The following ADGRG4 variants were observed in gnomAD, a reference collection of about 807,000 sequenced individuals.
ADGRG4 encodes G protein-coupled receptor 112.
A neutral mutation model predicts 126.2 loss-of-function variants in ADGRG4; 122 were observed. That is an observed-to-expected ratio of 0.97 (90% CI 0.83 to 1.12). ADGRG4 has a LOEUF of 1.12. Ranked by LOEUF, ADGRG4 falls within the 50% of genes most tolerant of loss-of-function variation. The pLI is 0.00. For missense variants in ADGRG4, 2,481 were observed against 2,251.8 expected (o/e 1.10, Z -2.06); for synonymous variants, 943 against 838.7 (o/e 1.12, Z -2.15).
Position 136,356,129 on chromosome X carries a change from C to T in ADGRG4, c.6891C>T (p.Asp2297=). The stretch of plus-strand genomic sequence containing the variant: ...TTTTGTAATGCTTTTGATACAGGGA[C>T]ATTTCAGAGGAAGAGATGGTCATGG... ...ATLETQIKSR[D]ISEEEMVMDR... is the part of the protein sequence containing the mutation. Residue 2297 remains aspartate, a synonymous_variant, in exon 9 of 26, where the codon GAC becomes GAT. Coordinates refer to ENST00000394143, the MANE Select transcript of ADGRG4 (RefSeq NM_153834.4). 1 of 1,179,557 alleles carries T rather than the reference C, an allele frequency of 8.5e-7. No individual in the cohort carries two copies. The highest frequency in any genetic ancestry group is 1.1e-6 in the Non-Finnish European group (1 of 869,893).
chrX:136,336,169 T>C (rs2148459526), intron 5 of ADGRG4, among the ~76,000 whole-genome samples: 1 of 112,071 alleles, frequency 8.9e-6, no homozygotes, highest in Non-Finnish European at 1.9e-5. Flanking sequence ...AACTTTTCTA[T>C]GGTCTTTCTG....
chrX:136,352,541 A>T (rs771836272), intron 7 of ADGRG4, among the ~76,000 whole-genome samples: 42 of 111,551 alleles, frequency 3.8e-4, no homozygotes, highest in Non-Finnish European at 5.7e-4. Flanking sequence ...CAATGCTGAA[A>T]ACAATTCCCT....
chrX:136,345,300 T>G lies in ADGRG4; in HGVS notation c.1594T>G (p.Phe532Val). 1 of 1,210,396 alleles carries G rather than the reference T, an allele frequency of 8.3e-7. No homozygotes were observed. Among genetic ancestry groups the G allele is most frequent in the Non-Finnish European group, 1.1e-6 (1 of 894,639 alleles). Residue 532 changes from phenylalanine (F) to valine (V), a missense_variant, in exon 6 of 26, where the codon TTT becomes GTT. Coordinates refer to ENST00000394143, the MANE Select transcript of ADGRG4 (RefSeq NM_153834.4). Reference sequence around the variant, plus strand: ...TGAAACAGAATTGACATCTACAAATTTTCAGGATGTCTCTTTACCCAGAGT... The same window carrying G: ...TGAAACAGAATTGACATCTACAAATGTTCAGGATGTCTCTTTACCCAGAGT... ...TAETELTSTN[F>V]QDVSLPRVED... is the part of the protein sequence containing the mutation.
At chrX:136,313,755 G>T (rs1434650101) in intron 4 of ADGRG4, among the ~76,000 whole-genome samples, 1 of 111,636 alleles carries the variant, frequency 9.0e-6, no homozygotes, top group Non-Finnish European at 1.9e-5. Flanking sequence ...TCCCCATGTT[G>T]TTCACCGCCC....
chrX:136,381,217 G>A (rs1271625069), intron 15 of ADGRG4, among the ~76,000 whole-genome samples: 2 of 110,878 alleles, frequency 1.8e-5, no homozygotes, highest in Non-Finnish European at 3.8e-5. Context: ...GGAGTGTATT[G>A]TTTAAATTAC....
rs200792466 is a variant in ADGRG4, at chrX:136,380,604, C to T, written c.7777-7136C>T. Among the ~76,000 whole-genome samples, 536 of 55,286 alleles carry T rather than the reference C, an allele frequency of 9.7e-3. 4 individuals carry two copies. The highest frequency in any genetic ancestry group is 0.012 in the Admixed American group (62 of 5,295). The allele number at this position is 55,286 out of a possible 115,157, so 48.0% of individuals were successfully genotyped here. On this transcript the variant is annotated intron_variant, in intron 15 of 25. Coordinates refer to ENST00000394143, the MANE Select transcript of ADGRG4 (RefSeq NM_153834.4). ...CCTCCTCCTCCTCCTCCTCCTCCTC[C>T]TCTTCTTCTTCTTCTTCTTCTTCTT... is the stretch of plus-strand genomic sequence containing the variant.
intron 21 of ADGRG4, among the ~76,000 whole-genome samples, chrX:136,401,221 G>A (rs192108259): frequency 1.9e-4 from 21 of 111,670 alleles, no homozygotes; most frequent in Admixed American, 1.8e-3. Flanking sequence ...AAAAGCAGTC[G>A]ATACACTCCC....
Position 136,348,341 on chromosome X carries a change from A to AGG in ADGRG4, c.4636_4637dup (p.Cys1547ValfsTer3), listed in dbSNP as rs1392279611. ...CTAAATCTTCTAAAACAATGCATCC[A>AGG]GGTTGTTTGAAAAGTCCCTGTACAG... On this transcript the variant is annotated frameshift_variant, in exon 6 of 26. Transcript: ENST00000394143. LOFTEE classifies it high-confidence loss of function. The AGG allele has an allele frequency of 8.3e-7, 1 of 1,209,750 alleles. No homozygotes were observed. The highest frequency in any genetic ancestry group is 2.2e-5 in the Admixed American group (1 of 45,953).
rs1340484031 is a variant in ADGRG4, at chrX:136,348,728, C to G, written c.5022C>G (p.Thr1674=). The part of the protein sequence containing the change: ...MAGIVTPFVG[T]TAFSPLSSKS... ...GGATAGTGACTCCATTTGTAGGCACCACTGCCTTCTCTCCACTCAGTTCTA... is the reference window on the plus strand; with the variant it reads ...GGATAGTGACTCCATTTGTAGGCACGACTGCCTTCTCTCCACTCAGTTCTA... Residue 1674 remains threonine, a synonymous_variant, in exon 6 of 26, where the codon ACC becomes ACG. Transcript: ENST00000394143. The G allele has an allele frequency of 4.1e-6, 5 of 1,210,133 alleles. No individual in the cohort carries two copies. Among genetic ancestry groups the G allele is most frequent in the East Asian group, 3.0e-5 (1 of 33,762 alleles).
chrX:136,333,255 T>A (rs1006549056), intron 5 of ADGRG4, among the ~76,000 whole-genome samples: 1 of 111,114 alleles, frequency 9.0e-6, no homozygotes, highest in Non-Finnish European at 1.9e-5. Flanking sequence ...AACCTAGGCA[T>A]TACCATTCAG....
At chrX:136,381,955 A>ATC (rs2075266336) in intron 15 of ADGRG4, among the ~76,000 whole-genome samples, 1 of 111,278 alleles carries the variant, frequency 9.0e-6, no homozygotes, top group African/African-American at 3.3e-5. Context: ...GATTAGATAG[A>ATC]TGGTGTCCAT....
chrX:136,354,296 A>G (rs964752092), intron 8 of ADGRG4, among the ~76,000 whole-genome samples: 2 of 111,767 alleles, frequency 1.8e-5, no homozygotes, highest in Admixed American at 1.9e-4. Context: ...TATTGCTCAC[A>G]GTTCCGGAGG....
At chrX:136,392,394 G>A in intron 17 of ADGRG4, 40 bp downstream of exon 17, 1 of 1,086,213 alleles carries the variant, frequency 9.2e-7, no homozygotes, top group Non-Finnish European at 1.2e-6. Context: ...AATGGCCTCA[G>A]GAACTCTTCA....
intron 5 of ADGRG4, among the ~76,000 whole-genome samples, chrX:136,330,827 T>G (rs1324631592): frequency 8.9e-6 from 1 of 111,937 alleles, no homozygotes; most frequent in African/African-American, 3.2e-5. Context: ...CTTTGTGTTA[T>G]AAACAATCCA....
At chrX:136,386,444 A>G (rs1451577921) in intron 15 of ADGRG4, among the ~76,000 whole-genome samples, 1 of 112,160 alleles carries the variant, frequency 8.9e-6, no homozygotes, top group African/African-American at 3.2e-5. Flanking sequence ...GCAAAGAGCC[A>G]TATGGGTTTT....
chrX:136,302,614 G>A (rs1182953062), intron 1 of ADGRG4, among the ~76,000 whole-genome samples: 1 of 111,790 alleles, frequency 8.9e-6, no homozygotes, highest in Non-Finnish European at 1.9e-5. Context: ...AACTTTTTGA[G>A]GGGAGATAGA....
At chrX:136,303,429 G>A (rs999996542) in intron 1 of ADGRG4, among the ~76,000 whole-genome samples, 1 of 111,040 alleles carries the variant, frequency 9.0e-6, no homozygotes, top group Non-Finnish European at 1.9e-5. Context: ...TTCCAGAATG[G>A]GCAACAGCCA....
At chrX:136,331,706 G>A (rs772611854) in intron 5 of ADGRG4, among the ~76,000 whole-genome samples, 23 of 111,468 alleles carry the variant, frequency 2.1e-4, no homozygotes, top group Non-Finnish European at 2.8e-4. Flanking sequence ...CTTATGTGCC[G>A]TCTTCCTGTG....
Position 136,350,313 on chromosome X carries a change from C to G in ADGRG4, c.6607C>G (p.Pro2203Ala). ...ACTCATATCCACTGGGGTGACATAT[C>G]CTTTTACAGCAACTGTGTCTTCACC... ...FPLISTGVTY[P>A]FTATVSSPIS... Residue 2203 changes from proline (P) to alanine (A), a missense_variant, in exon 6 of 26, where the codon CCT becomes GCT. Physicochemically the swap from Pro to Ala is conservative, Grantham distance 27 (BLOSUM62 -1). Transcript: ENST00000394143. 3 of 1,210,335 alleles carry G rather than the reference C, an allele frequency of 2.5e-6. No individual in the cohort carries two copies. The highest frequency in any genetic ancestry group is 3.4e-6 in the Non-Finnish European group (3 of 894,287).
Sources: allele counts gnomAD v4.1 joint callset (sites outside exome capture counted in the v4.1 genomes callset), GRCh38; gene constraint gnomAD v4.1.1; transcripts MANE v1.5; gene names NCBI Gene and HGNC (gene_info 2026-07-23, HGNC 2026-07-21).